MTMR3: variants seen among roughly 807,000 people sequenced by gnomAD.
MTMR3 encodes the protein myotubularin related protein 3.
Under a neutral mutation model 132.4 loss-of-function variants are expected in MTMR3, and 32 were observed. The observed-to-expected ratio is 0.24, with a 90% CI of 0.18 to 0.32. MTMR3 has a LOEUF of 0.32. Ranked by LOEUF, MTMR3 falls within the 10% of genes least tolerant of loss-of-function variation. The pLI is 1.00. For synonymous variants in MTMR3, 556 were observed against 550.3 expected (o/e 1.01, Z -0.14); for missense variants, 1,216 against 1,489.6 (o/e 0.82, Z 3.02).
intron 1 of MTMR3, among the ~76,000 whole-genome samples, chr22:29,914,277 C>G (rs572280920): frequency 6.6e-6 from 1 of 152,112 alleles, no homozygotes; most frequent in South Asian, 2.1e-4. Flanking sequence ...TATTGTCATT[C>G]TTACTAACTT....
At chr22:29,891,999 A>G (rs1218206203) in intron 1 of MTMR3, among the ~76,000 whole-genome samples, 14 of 152,024 alleles carry the variant, frequency 9.2e-5, no homozygotes, top group Non-Finnish European at 5.9e-5. Flanking sequence ...TAAAAATACA[A>G]AAAATTAGCC....
At chr22:29,909,201 G>T (rs942367449) in intron 1 of MTMR3, among the ~76,000 whole-genome samples, 1 of 151,902 alleles carries the variant, frequency 6.6e-6, no homozygotes, top group Non-Finnish European at 1.5e-5. Flanking sequence ...GGCTTACTGT[G>T]CCTGGCCCAC....
At position 29,899,249 on chromosome 22, in the gene MTMR3, T is replaced by C. The variant is rs146799101; in HGVS notation, c.-138+15890T>C. Reference sequence around the variant, plus strand: ...AGATAGTCCTATTCTTTGGAAATTTTGCTATGTTGCCCCTGCTGGTCTTGA... The same window carrying C: ...AGATAGTCCTATTCTTTGGAAATTTCGCTATGTTGCCCCTGCTGGTCTTGA... On this transcript the variant is annotated intron_variant, in intron 1 of 19. Transcript: ENST00000401950. Among the ~76,000 whole-genome samples, 682 of 152,310 alleles carry C rather than the reference T, an allele frequency of 4.5e-3. 6 individuals are homozygous for C. The highest frequency in any genetic ancestry group is 0.016 in the African/African-American group (645 of 41,570).
intron 2 of MTMR3, among the ~76,000 whole-genome samples, chr22:29,963,446 A>C (rs1244771441): frequency 6.7e-6 from 1 of 149,614 alleles, no homozygotes; most frequent in Non-Finnish European, 1.5e-5. Context: ...CTGGAGGGCA[A>C]TGGTGCGATC....
At chr22:29,967,715 C>A (rs909661761) in intron 2 of MTMR3, among the ~76,000 whole-genome samples, 3 of 151,968 alleles carry the variant, frequency 2.0e-5, no homozygotes, top group Non-Finnish European at 2.9e-5. Context: ...CCTATTCTTC[C>A]CTCAACCTGG....
At chr22:29,906,252 CTGTCT>C (rs1367772760) in intron 1 of MTMR3, among the ~76,000 whole-genome samples, 5,024 of 112,460 alleles carry the variant, frequency 0.045, 137 homozygotes, top group East Asian at 0.16. Flanking sequence ...ATCCGTCTGT[CTGTCT>C]GTCTGTCTGT....
Position 30,003,119 on chromosome 22 carries a change from G to T in MTMR3, c.671+126G>T, listed in dbSNP as rs1354150418. On this transcript the variant is annotated intron_variant, in intron 9 of 19. Transcript: ENST00000401950. The stretch of plus-strand genomic sequence containing the variant: ...TTCAGAGAACTTTCTAGGCAAGGCT[G>T]TACTTCCTTATTGTTAAAGCTTCTC... 2.4e-5 allele frequency: 16 copies of T among 663,126 alleles called. No homozygotes were observed. In the Admixed American group the frequency reaches 4.0e-4, roughly 17 times the overall value. The allele number at this position is 663,126 out of a possible 1,614,324, so 41.1% of individuals were successfully genotyped here.
chr22:29,897,425 G>T (rs2064923201), intron 1 of MTMR3, among the ~76,000 whole-genome samples: 1 of 151,912 alleles, frequency 6.6e-6, no homozygotes, highest in Non-Finnish European at 1.5e-5. Context: ...TGCTTCAAAG[G>T]TGTATTTAAG....
At chr22:30,023,546 C>T in intron 19 of MTMR3, 1 of 1,583,130 alleles carries the variant, frequency 6.3e-7, no homozygotes. Context: ...TCCACACTAA[C>T]TCTTATCATT....
intron 15 of MTMR3, chr22:30,017,486 C>T (rs2067625043): frequency 6.2e-6 from 1 of 162,088 alleles, no homozygotes; most frequent in East Asian, 1.9e-4. Flanking sequence ...TCCTTCTTTT[C>T]ACATGATTAA....
At chr22:29,948,211 CT>C (rs1215861194) in intron 1 of MTMR3, among the ~76,000 whole-genome samples, 1 of 152,204 alleles carries the variant, frequency 6.6e-6, no homozygotes, top group Non-Finnish European at 1.5e-5. Flanking sequence ...AAATTCAAAT[CT>C]GTTCCTTTTC....
At chr22:29,918,912 CTATT>C (rs1450981918) in intron 1 of MTMR3, among the ~76,000 whole-genome samples, 1 of 152,074 alleles carries the variant, frequency 6.6e-6, no homozygotes, top group Non-Finnish European at 1.5e-5. Flanking sequence ...GTCTTATTTC[CTATT>C]TATTTATTTT....
chr22:30,020,235 G>C lies in MTMR3; in HGVS notation c.2576G>C (p.Gly859Ala). Reference sequence around the variant, plus strand: ...GAAGATAAGGTGAAGTCAGTAAGTGGGCCCCAAGGTCATCATAGATCTTGC... The same window carrying C: ...GAAGATAAGGTGAAGTCAGTAAGTGCGCCCCAAGGTCATCATAGATCTTGC... Reference protein sequence around the residue: ...LVEDKVKSVSGPQGHHRSCLV... With the variant: ...LVEDKVKSVSAPQGHHRSCLV... Residue 859 changes from glycine (G) to alanine (A), a missense_variant, in exon 17 of 20, where the codon GGG becomes GCG. Gly to Ala is a moderately conservative substitution (Grantham distance 60). Coordinates refer to ENST00000401950, the MANE Select transcript of MTMR3 (RefSeq NM_021090.4). The C allele has an allele frequency of 1.9e-6, 3 of 1,614,138 alleles. No homozygotes were observed. The highest frequency in any genetic ancestry group is 2.5e-6 in the Non-Finnish European group (3 of 1,180,032).
Position 30,009,071 on chromosome 22 carries a change from A to G in MTMR3, c.1063A>G (p.Ile355Val), listed in dbSNP as rs140447475. The G allele has an allele frequency of 3.7e-6, 6 of 1,613,970 alleles. No homozygotes were observed. The African/African-American group carries it at 5.3e-5, about 14-fold the overall frequency. ...TATGGGGATGGCAAACATTCATTCT[A>G]TTCGGAGGAGTTTTCAGTCTCTGCG... Reference protein sequence around the residue: ...VFMGMANIHSIRRSFQSLRLL... With the variant: ...VFMGMANIHSVRRSFQSLRLL... Residue 355 changes from isoleucine (I) to valine (V), a missense_variant, in exon 12 of 20, where the codon ATT (isoleucine) becomes GTT (valine). This residue lies in a region of MTMR3 where 106 missense variants were observed against 209.5 expected (regional missense o/e 0.51). Coordinates refer to ENST00000401950, the MANE Select transcript of MTMR3 (RefSeq NM_021090.4).
intron 1 of MTMR3, among the ~76,000 whole-genome samples, chr22:29,915,881 C>T (rs1306953694): frequency 1.3e-5 from 2 of 151,828 alleles, no homozygotes; most frequent in African/African-American, 4.8e-5. Flanking sequence ...TGTAATATTT[C>T]ATCTTATCCC....
intron 6 of MTMR3, chr22:29,990,785 T>C: frequency 6.6e-6 from 1 of 152,332 alleles, no homozygotes; most frequent in Non-Finnish European, 1.5e-5. Context: ...AGTTTTGCCA[T>C]GTTGGCCAGG....
chr22:29,980,251 T>C (rs1211224232), intron 5 of MTMR3: 3 of 152,216 alleles, frequency 2.0e-5, no homozygotes, highest in Non-Finnish European at 2.9e-5. Flanking sequence ...TTACTTCTTA[T>C]TATCATTCTT....
rs551093205 is a variant in MTMR3 at position 30,019,625 on chromosome 22, C to T, written c.1966C>T (p.Pro656Ser). The T allele has an allele frequency of 1.3e-5, 21 of 1,614,148 alleles. No individual in the cohort carries two copies. Among genetic ancestry groups the T allele is most frequent in the East Asian group, 2.2e-5 (1 of 44,880 alleles). The change falls in exon 17 of 20, where the codon CCT (proline) becomes TCT (serine). Residue 656 changes from proline to serine, a missense_variant. Pro to Ser is a moderately conservative substitution (Grantham distance 74). Around this residue, in one of 7 missense-constraint regions of MTMR3, gnomAD observed 852 missense variants for 852.0 expected, o/e 1.00. Coordinates refer to ENST00000401950, the MANE Select transcript of MTMR3 (RefSeq NM_021090.4). ...ACTAGAGCTGAGCAGCCTGGCTGGC[C>T]CTGGAGAGGATCCCCTTTCTGCCGA... ...RSLELSSLAG[P>S]GEDPLSADSL...
Position 30,025,913 on chromosome 22 carries a change from T to C in MTMR3, c.*112T>C. The C allele has an allele frequency of 1.8e-6, 2 of 1,103,072 alleles. No individual in the cohort carries two copies. The highest frequency in any genetic ancestry group is 2.7e-6 in the Non-Finnish European group (2 of 751,826). The allele number at this position is 1,103,072 out of a possible 1,614,324, so 68.3% of individuals were successfully genotyped here. A position where few individuals can be genotyped will look rare whatever the true frequency, so the allele number is the denominator to read the frequency against. On this transcript the variant is annotated 3_prime_UTR_variant, in exon 20 of 20. Coordinates refer to ENST00000401950, the MANE Select transcript of MTMR3 (RefSeq NM_021090.4). ...TTTGGAATGGGAGCGTGGAACCACCTGTACAGAGTGACAGATTTGGGATGC... is the reference window on the plus strand; with the variant it reads ...TTTGGAATGGGAGCGTGGAACCACCCGTACAGAGTGACAGATTTGGGATGC...
Sources: allele counts gnomAD v4.1 joint callset (sites outside exome capture counted in the v4.1 genomes callset), GRCh38; gene constraint gnomAD v4.1.1; regional missense constraint gnomAD v4.1.1; transcripts MANE v1.5; gene names NCBI Gene and HGNC (gene_info 2026-07-23, HGNC 2026-07-21).